The following SYT10 variants were observed in gnomAD, a reference collection of about 807,000 sequenced individuals.
SYT10 encodes synaptotagmin 10, also known as synaptotagmin-10.
SYT10 carries 31 observed loss-of-function variants against 51.1 expected under a neutral mutation model. That is an observed-to-expected ratio of 0.61 (90% CI 0.46 to 0.82). The LOEUF is 0.82. SYT10 is among the 40% of genes least tolerant of loss of function. The pLI, the probability that SYT10 is intolerant of heterozygous loss-of-function variation, is 0.00. For synonymous variants in SYT10, 233 were observed against 225.9 expected (o/e 1.03, Z -0.28); for missense variants, 603 against 634.0 (o/e 0.95, Z 0.53).
chr12:33,398,192 G>A (rs1309770984), intron 3 of SYT10, among the ~76,000 whole-genome samples: 5 of 152,068 alleles, frequency 3.3e-5, no homozygotes, highest in South Asian at 2.1e-4. Flanking sequence ...GGCATTATGA[G>A]TATACACATC....
chr12:33,386,945 C>G (rs912097050), intron 3 of SYT10, among the ~76,000 whole-genome samples: 2 of 152,140 alleles, frequency 1.3e-5, no homozygotes, highest in Admixed American at 6.5e-5. Flanking sequence ...TGGTCTTTGA[C>G]TGCATAGATG....
chr12:33,412,127 C>G (rs926588920), intron 2 of SYT10, among the ~76,000 whole-genome samples: 1 of 152,060 alleles, frequency 6.6e-6, no homozygotes, highest in South Asian at 2.1e-4. Flanking sequence ...TCATTTCACA[C>G]TCCCTTGTGC....
intron 6 of SYT10, among the ~76,000 whole-genome samples, chr12:33,378,890 A>G (rs1866089214): frequency 6.7e-6 from 1 of 150,362 alleles, no homozygotes; most frequent in African/African-American, 2.5e-5. Flanking sequence ...GTCTTTTATG[A>G]TTTATACTAA....
At position 33,426,484 on chromosome 12, in the gene SYT10, T is replaced by G. The variant is rs759927350; in HGVS notation, c.163A>C (p.Ser55Arg). 6.4e-7 allele frequency: 1 copy of G among 1,574,112 alleles called. No homozygotes were observed. The highest frequency in any genetic ancestry group is 8.6e-7 in the Non-Finnish European group (1 of 1,164,452). The change falls in exon 2 of 7, where the codon AGC becomes CGC. Residue 55 changes from serine (S) to arginine (R), a missense_variant. Transcript: ENST00000228567. ...QGGSSTDISV[S>R]LLAVVVSFCG... is the part of the protein sequence containing the mutation. ...AAGCTGACAACGACAGCTAACAGGC[T>G]GACTGAAATATCTGGAAAAATTACA...
chr12:33,383,641 C>G (rs535324739), intron 4 of SYT10, among the ~76,000 whole-genome samples: 1 of 152,260 alleles, frequency 6.6e-6, no homozygotes, highest in Admixed American at 6.5e-5. Flanking sequence ...TTTGAGCCCA[C>G]AGGCCTAGGC....
intron 3 of SYT10, among the ~76,000 whole-genome samples, chr12:33,388,798 G>A (rs919973571): frequency 1.4e-4 from 21 of 152,296 alleles, no homozygotes; most frequent in Admixed American, 1.1e-3. Context: ...CAACCTCACA[G>A]ACTGAGTCAC....
intron 2 of SYT10, among the ~76,000 whole-genome samples, chr12:33,410,929 G>A (rs1866399779): frequency 1.3e-5 from 2 of 152,182 alleles, no homozygotes; most frequent in South Asian, 2.1e-4. Flanking sequence ...AGCTAACATA[G>A]GAGTACTTAC....
chr12:33,381,049 G>A (rs184531910), intron 5 of SYT10, among the ~76,000 whole-genome samples: 1 of 151,880 alleles, frequency 6.6e-6, no homozygotes, highest in African/African-American at 2.4e-5. Flanking sequence ...CCCTAAAATT[G>A]CCCCAGTGAC....
At position 33,376,774 on chromosome 12, in the gene SYT10, G is replaced by T; in HGVS notation, c.*56C>A. 1 of 1,592,556 alleles carries T rather than the reference G, an allele frequency of 6.3e-7. No individual in the cohort carries two copies. The highest frequency in any genetic ancestry group is 8.6e-7 in the Non-Finnish European group (1 of 1,165,184). On this transcript the variant is annotated 3_prime_UTR_variant, in exon 7 of 7. Coordinates refer to ENST00000228567, the MANE Select transcript of SYT10 (RefSeq NM_198992.4). The stretch of plus-strand genomic sequence containing the variant: ...AAACCAAACCTTCCACTTTTTTTCT[G>T]ATTCAATGAGCACGTGATCCTAGAT...
intron 1 of SYT10, among the ~76,000 whole-genome samples, chr12:33,428,562 C>A (rs556466858): frequency 6.6e-6 from 1 of 152,250 alleles, no homozygotes; most frequent in Admixed American, 6.5e-5. Flanking sequence ...TTAGTGAATT[C>A]TATGAGACCA....
At chr12:33,425,402 C>T (rs1866541831) in intron 2 of SYT10, among the ~76,000 whole-genome samples, 1 of 151,942 alleles carries the variant, frequency 6.6e-6, no homozygotes, top group Admixed American at 6.6e-5. Flanking sequence ...ATCATTTTTT[C>T]CTTTACAGTT....
At chr12:33,409,291 A>T (rs1451281746) in intron 2 of SYT10, among the ~76,000 whole-genome samples, 2 of 151,776 alleles carry the variant, frequency 1.3e-5, no homozygotes, top group Non-Finnish European at 2.9e-5. Flanking sequence ...ATCTTGGCTT[A>T]CTGCAACCTC....
chr12:33,392,196 C>T (rs1366204078), intron 3 of SYT10, among the ~76,000 whole-genome samples: 1 of 152,172 alleles, frequency 6.6e-6, no homozygotes, highest in African/African-American at 2.4e-5. Flanking sequence ...TTCTATAGCA[C>T]ACTAAAATTT....
chr12:33,417,860 A>T (rs1565497602), intron 2 of SYT10, among the ~76,000 whole-genome samples: 1 of 152,244 alleles, frequency 6.6e-6, no homozygotes, highest in Non-Finnish European at 1.5e-5. Context: ...AGGAAAAAAA[A>T]TAATATCAAA....
chr12:33,404,249 T>C (rs1428791667), intron 3 of SYT10, among the ~76,000 whole-genome samples: 1 of 152,096 alleles, frequency 6.6e-6, no homozygotes, highest in East Asian at 1.9e-4. Flanking sequence ...GGGCCCAATA[T>C]AAGGCAATGA....
intron 3 of SYT10, among the ~76,000 whole-genome samples, chr12:33,399,624 T>G (rs1443041831): frequency 6.6e-6 from 1 of 152,260 alleles, no homozygotes; most frequent in Admixed American, 6.5e-5. Flanking sequence ...TATTTAATAT[T>G]ATTCATGAGA....
rs144281442 is a variant in SYT10, at chr12:33,404,470, C to T, written c.1077+2319G>A. Among the ~76,000 whole-genome samples, 1,053 of 152,214 alleles carry T rather than the reference C, an allele frequency of 6.9e-3. 7 individuals carry two copies. The highest frequency in any genetic ancestry group is 0.024 in the Middle Eastern group (7 of 294). On this transcript the variant is annotated intron_variant, in intron 3 of 6. Coordinates refer to ENST00000228567, the MANE Select transcript of SYT10 (RefSeq NM_198992.4). ...CAGTGGCTGCGATCTCAGCTCACTG[C>T]GACCTCCGCCTCCCGGGTTCAAGCA...
chr12:33,433,395 C>T (rs570523976), intron 1 of SYT10, among the ~76,000 whole-genome samples: 1 of 152,182 alleles, frequency 6.6e-6, no homozygotes, highest in East Asian at 1.9e-4. Flanking sequence ...AAATACAGCA[C>T]ACAAGATTTT....
intron 3 of SYT10, among the ~76,000 whole-genome samples, chr12:33,396,670 T>C (rs1866258517): frequency 6.6e-6 from 1 of 151,986 alleles, no homozygotes; most frequent in Admixed American, 6.6e-5. Flanking sequence ...TCAATTGCAA[T>C]GAAATGTGGA....
Sources: allele counts gnomAD v4.1 joint callset (sites outside exome capture counted in the v4.1 genomes callset), GRCh38; gene constraint gnomAD v4.1.1; transcripts MANE v1.5; gene names NCBI Gene and HGNC (gene_info 2026-07-23, HGNC 2026-07-21).